The following GRIN2A variants were observed in gnomAD, a reference collection of about 807,000 sequenced individuals.
The protein encoded by GRIN2A is glutamate ionotropic receptor NMDA type subunit 2A, also known as glutamate receptor ionotropic, NMDA 2A.
Under a neutral mutation model 113.4 loss-of-function variants are expected in GRIN2A, and 22 were observed. The ratio of observed to expected loss-of-function variants is 0.19; its 90% CI spans 0.14 to 0.28. The LOEUF (loss-of-function observed/expected upper bound fraction) is 0.28, where lower values mean the gene tolerates loss of function less well. Ranked by LOEUF, GRIN2A falls within the 10% of genes least tolerant of loss-of-function variation. The probability of loss-of-function intolerance (pLI) is 1.00; values close to 1 mark genes in which losing one functional copy is unlikely to be tolerated. For synonymous variants in GRIN2A, 827 were observed against 738.4 expected (o/e 1.12, Z -1.94); for missense variants, 1,502 against 1,887.0 (o/e 0.80, Z 3.78).
chr16:9,850,237 G>C (rs2042859623), intron 4 of GRIN2A, among the ~76,000 whole-genome samples: 1 of 152,184 alleles, frequency 6.6e-6, no homozygotes, highest in Non-Finnish European at 1.5e-5. Context: ...CCCCGCAGGT[G>C]GTTCTAATGT....
chr16:9,945,982 A>G (rs2045008665), intron 2 of GRIN2A, among the ~76,000 whole-genome samples: 1 of 152,176 alleles, frequency 6.6e-6, no homozygotes, highest in Admixed American at 6.5e-5. Flanking sequence ...ACAATGCCAG[A>G]GGAAAGAACA....
At chr16:10,017,281 AATAG>A (rs1301985406) in intron 2 of GRIN2A, among the ~76,000 whole-genome samples, 16 of 152,304 alleles carry the variant, frequency 1.1e-4, no homozygotes, top group African/African-American at 3.8e-4. Flanking sequence ...TTACACGATT[AATAG>A]ATAATCATTA....
At chr16:9,779,364 A>C (rs968524036) in intron 11 of GRIN2A, among the ~76,000 whole-genome samples, 2 of 152,162 alleles carry the variant, frequency 1.3e-5, no homozygotes, top group African/African-American at 2.4e-5. Context: ...TTTTTTATCG[A>C]AGTGTTGTCA....
At chr16:10,130,883 G>A (rs1209006647) in intron 2 of GRIN2A, among the ~76,000 whole-genome samples, 1 of 152,174 alleles carries the variant, frequency 6.6e-6, no homozygotes, top group Non-Finnish European at 1.5e-5. Context: ...CAGGGAGCTG[G>A]AACTCAGAGC....
At position 9,822,396 on chromosome 16, in the gene GRIN2A, G is replaced by C; in HGVS notation, c.2036C>G (p.Pro679Arg). ...KFQRPHDYSPPFRFGTVPNGS... is the reference protein window; with the variant it reads ...KFQRPHDYSPRFRFGTVPNGS... Reference sequence around the variant, plus strand: ...ATTAGGCACTGTCCCAAATCGAAAAGGTGGGGAATAGTCATGAGGTCTCTG... The same window carrying C: ...ATTAGGCACTGTCCCAAATCGAAAACGTGGGGAATAGTCATGAGGTCTCTG... The change falls in exon 10 of 13, where the codon CCT (proline) becomes CGT (arginine). Residue 679 changes from proline (P) to arginine (R), a missense_variant. This residue lies in a region of GRIN2A where 101 missense variants were observed against 240.4 expected (regional missense o/e 0.42). Transcript: ENST00000330684. The C allele has an allele frequency of 6.2e-7, 1 of 1,612,412 alleles. No homozygotes were observed. Among genetic ancestry groups the C allele is most frequent in the Non-Finnish European group, 8.5e-7 (1 of 1,178,520 alleles).
chr16:9,985,272 G>A (rs549709350), intron 2 of GRIN2A, among the ~76,000 whole-genome samples: 8 of 152,172 alleles, frequency 5.3e-5, no homozygotes, highest in East Asian at 3.9e-4. Context: ...ATATGGTCCC[G>A]CATTTAGAAT....
intron 3 of GRIN2A, among the ~76,000 whole-genome samples, chr16:9,918,358 C>T (rs1043530386): frequency 2.0e-5 from 3 of 152,180 alleles, no homozygotes; most frequent in Admixed American, 1.3e-4. Context: ...CACAGACATA[C>T]ATACCTATGA....
chr16:10,149,280 A>C (rs534995812), intron 2 of GRIN2A, among the ~76,000 whole-genome samples: 1 of 152,358 alleles, frequency 6.6e-6, no homozygotes, highest in South Asian at 2.1e-4. Flanking sequence ...TATCACATTT[A>C]CCCTGATATG....
At chr16:9,840,513 T>C in intron 7 of GRIN2A, 134 bp downstream of exon 7, 1 of 843,568 alleles carries the variant, frequency 1.2e-6, no homozygotes. Context: ...ATAATTCAAA[T>C]GCAGCATCCT....
At chr16:10,045,920 T>A (rs975703265) in intron 2 of GRIN2A, among the ~76,000 whole-genome samples, 1 of 152,220 alleles carries the variant, frequency 6.6e-6, no homozygotes, top group African/African-American at 2.4e-5. Flanking sequence ...CTGGGTGGGC[T>A]GTCCTGTACA....
intron 4 of GRIN2A, among the ~76,000 whole-genome samples, chr16:9,890,260 C>T (rs140941117): frequency 8.1e-4 from 123 of 152,264 alleles, no homozygotes; most frequent in African/African-American, 2.5e-3. Context: ...ACTCTTTATA[C>T]GAAATTGTAG....
intron 10 of GRIN2A, among the ~76,000 whole-genome samples, chr16:9,806,079 G>C (rs2041960127): frequency 6.6e-6 from 1 of 152,176 alleles, no homozygotes; most frequent in East Asian, 1.9e-4. Context: ...ACTCCCTTAA[G>C]CTAATTTAAT....
At chr16:10,107,186 T>C (rs1241423883) in intron 2 of GRIN2A, among the ~76,000 whole-genome samples, 1 of 152,166 alleles carries the variant, frequency 6.6e-6, no homozygotes, top group African/African-American at 2.4e-5. Flanking sequence ...GGAAGTTCTT[T>C]CTGTATTTGG....
chr16:9,894,392 T>G (rs2043761344), intron 3 of GRIN2A, among the ~76,000 whole-genome samples: 1 of 152,218 alleles, frequency 6.6e-6, no homozygotes, highest in Non-Finnish European at 1.5e-5. Context: ...TCTCTGCACT[T>G]GAGGGGACTT....
intron 5 of GRIN2A, among the ~76,000 whole-genome samples, chr16:9,842,551 A>G (rs1196288738): frequency 6.6e-6 from 1 of 152,224 alleles, no homozygotes; most frequent in Non-Finnish European, 1.5e-5. Flanking sequence ...TGTCATATGA[A>G]AAAAGTAGGT....
At chr16:10,102,276 G>C (rs1045800715) in intron 2 of GRIN2A, among the ~76,000 whole-genome samples, 2 of 152,234 alleles carry the variant, frequency 1.3e-5, no homozygotes, top group Non-Finnish European at 2.9e-5. Flanking sequence ...TAATGAGTGA[G>C]CTCTCGCTCT....
chr16:9,883,606 G>A (rs1395362601), intron 4 of GRIN2A, among the ~76,000 whole-genome samples: 4 of 152,176 alleles, frequency 2.6e-5, no homozygotes, highest in Admixed American at 2.0e-4. Context: ...GGGACACTCC[G>A]GGGATAAGAA....
intron 2 of GRIN2A, among the ~76,000 whole-genome samples, chr16:10,148,895 A>T (rs2049503262): frequency 6.6e-6 from 1 of 152,254 alleles, no homozygotes; most frequent in Admixed American, 6.5e-5. Context: ...CCATAAAAAG[A>T]ATAAGATCCT....
chr16:9,977,793 G>A (rs140363931), intron 2 of GRIN2A, among the ~76,000 whole-genome samples: 50 of 152,204 alleles, frequency 3.3e-4, no homozygotes, highest in Admixed American at 3.1e-3. Context: ...CTTTTCCTTG[G>A]GGAGTAGACT....
Sources: allele counts gnomAD v4.1 joint callset (sites outside exome capture counted in the v4.1 genomes callset), GRCh38; gene constraint gnomAD v4.1.1; regional missense constraint gnomAD v4.1.1; transcripts MANE v1.5; gene names NCBI Gene and HGNC (gene_info 2026-07-23, HGNC 2026-07-21).